Variants in PNO1 observed in about 807,000 individuals in gnomAD.
PNO1 encodes partner of NOB1 homolog.
Under a neutral mutation model 28.4 loss-of-function variants are expected in PNO1, and 16 were observed. The observed-to-expected ratio is 0.56, with a 90% CI of 0.38 to 0.85. PNO1 has a LOEUF of 0.85. PNO1 is among the 40% of genes least tolerant of loss of function. The probability of loss-of-function intolerance (pLI) is 0.00; values close to 1 mark genes in which losing one functional copy is unlikely to be tolerated. For synonymous variants in PNO1, 115 were observed against 110.8 expected, an observed-to-expected ratio of 1.04 and a Z score of -0.24; for missense variants, 304 against 312.2, an observed-to-expected ratio of 0.97 and a Z score of 0.20.
intron 5 of PNO1, among the ~76,000 whole-genome samples, chr2:68,167,052 C>T (rs6756198): frequency 0.75 from 113,517 of 152,206 alleles, 43,391 homozygotes; most frequent in African/African-American, 0.93. Flanking sequence ...GAATTTATAG[C>T]TGCAGGCATG....
At chr2:68,163,832 G>T (rs1195538396) in intron 5 of PNO1, among the ~76,000 whole-genome samples, 1 of 152,158 alleles carries the variant, frequency 6.6e-6, no homozygotes, top group Non-Finnish European at 1.5e-5. Context: ...CCTGTCTGAG[G>T]TTGAAGCTGC....
At chr2:68,170,548 C>T (rs1308648627) in intron 5 of PNO1, among the ~76,000 whole-genome samples, 14 of 152,026 alleles carry the variant, frequency 9.2e-5, no homozygotes, top group Admixed American at 9.2e-4. Context: ...GAGATCGAGA[C>T]CATCCTGGCT....
intron 5 of PNO1, among the ~76,000 whole-genome samples, chr2:68,169,044 T>C (rs1333255269): frequency 6.8e-6 from 1 of 146,678 alleles, no homozygotes; most frequent in Non-Finnish European, 1.5e-5. Flanking sequence ...TTCTCCTGCC[T>C]CAGCCTCCTG....
chr2:68,159,002 T>A (rs1468558410), intron 2 of PNO1, among the ~76,000 whole-genome samples: 2 of 152,162 alleles, frequency 1.3e-5, no homozygotes, highest in African/African-American at 2.4e-5. Context: ...GTTTATATAT[T>A]TTTTTCATAT....
At chr2:68,170,340 G>C (rs1674094418) in intron 5 of PNO1, among the ~76,000 whole-genome samples, 1 of 152,046 alleles carries the variant, frequency 6.6e-6, no homozygotes, top group African/African-American at 2.4e-5. Context: ...CCATTACTTT[G>C]GTTCTTTGTG....
intron 5 of PNO1, among the ~76,000 whole-genome samples, chr2:68,170,513 C>G (rs879930767): frequency 2.6e-5 from 4 of 152,018 alleles, no homozygotes; most frequent in Admixed American, 2.6e-4. Flanking sequence ...TTTGGGAGGC[C>G]GAGGCGGGCG....
chr2:68,160,616 A>C (rs1200407177), intron 2 of PNO1, among the ~76,000 whole-genome samples: 2 of 152,236 alleles, frequency 1.3e-5, no homozygotes, highest in African/African-American at 4.8e-5. Flanking sequence ...GTATTACACC[A>C]TGCTCTACAT....
intron 6 of PNO1, 60 bp from the exon 7 acceptor site, chr2:68,174,675 A>G: frequency 5.3e-6 from 6 of 1,139,678 alleles, no homozygotes; most frequent in South Asian, 5.2e-5. Context: ...ACTGAGGGAC[A>G]ACTGTAGGCG....
chr2:68,173,170 T>A, intron 5 of PNO1, 177 bp from the exon 6 acceptor site: 3 of 355,642 alleles, frequency 8.4e-6, no homozygotes, highest in African/African-American at 2.3e-5. Context: ...CACGTGCTAC[T>A]ACACCCAGCT....
intron 6 of PNO1, 105 bp downstream of exon 6, chr2:68,173,522 C>A (rs776201343): frequency 3.0e-6 from 2 of 677,564 alleles, no homozygotes; most frequent in Non-Finnish European, 5.3e-6. Flanking sequence ...TATTAAAGAT[C>A]GCAAGTAGAA....
At chr2:68,171,753 C>G in intron 5 of PNO1, among the ~76,000 whole-genome samples, 1 of 152,032 alleles carries the variant, frequency 6.6e-6, no homozygotes, top group Admixed American at 6.5e-5. Flanking sequence ...TAGGGCCTCA[C>G]TGAGGTCATC....
chr2:68,158,058 G>T lies in PNO1; in HGVS notation c.124G>T (p.Gly42Trp). 2 of 1,613,902 alleles carry T rather than the reference G, an allele frequency of 1.2e-6. No individual in the cohort carries two copies. Among genetic ancestry groups the T allele is most frequent in the Non-Finnish European group, 1.7e-6 (2 of 1,179,982 alleles). The change falls in exon 1 of 7, where the codon GGG (glycine) becomes TGG (tryptophan). Residue 42 changes from glycine to tryptophan, a missense_variant. Physicochemically the swap from Gly to Trp is radical, Grantham distance 184. Coordinates refer to ENST00000263657, the MANE Select transcript of PNO1 (RefSeq NM_020143.4). ...AEQLSAAGEG[G>W]DAGRMDTEEA... is the part of the protein sequence containing the mutation. Reference sequence around the variant, plus strand: ...ACAGCTGTCCGCAGCAGGAGAGGGCGGGGATGCGGGCCGCATGGACACAGA... The same window carrying T: ...ACAGCTGTCCGCAGCAGGAGAGGGCTGGGATGCGGGCCGCATGGACACAGA...
In PNO1 at chr2:68,175,207, A is replaced by ATC. The variant is rs1372412729; in HGVS notation, c.*408_*409dup. 3.9e-5 allele frequency: 6 copies of ATC among 153,532 alleles called. No homozygotes were observed. The highest frequency in any genetic ancestry group is 1.4e-4 in the African/African-American group (6 of 41,586). 9.5% of individuals were successfully genotyped at this position (153,532 alleles called of 1,614,324 possible). A position where few individuals can be genotyped will look rare whatever the true frequency, so the allele number is the denominator to read the frequency against. ...TTTATAAATTGTAATTTAATAGATT[A>ATC]TCTCAGAAAAACCTCTCTGAATGAT... On this transcript the variant is annotated 3_prime_UTR_variant, in exon 7 of 7. Transcript: ENST00000263657.
At chr2:68,173,441 T>C (rs771096318) in intron 6 of PNO1, 24 bp downstream of exon 6, 1 of 1,419,658 alleles carries the variant, frequency 7.0e-7, no homozygotes, top group Admixed American at 1.7e-5. Flanking sequence ...CTTTCTTTGG[T>C]GTTTTCTCTG....
chr2:68,164,778 C>T (rs909117184), intron 5 of PNO1, among the ~76,000 whole-genome samples: 4 of 152,158 alleles, frequency 2.6e-5, no homozygotes, highest in African/African-American at 9.7e-5. Context: ...GCCTGGGTGA[C>T]AGAGTGAAAC....
At chr2:68,163,256 G>A (rs1673883636) in intron 5 of PNO1, among the ~76,000 whole-genome samples, 1 of 152,214 alleles carries the variant, frequency 6.6e-6, no homozygotes, top group Non-Finnish European at 1.5e-5. Context: ...CTCGGGTTGG[G>A]CACAGTGGCT....
intron 5 of PNO1, 29 bp downstream of exon 5, chr2:68,162,692 G>C (rs376898171): frequency 1.6e-6 from 2 of 1,263,248 alleles, no homozygotes; most frequent in African/African-American, 1.5e-5. Flanking sequence ...GAAAATTATT[G>C]TCATAATTTA....
Position 68,174,853 on chromosome 2 carries a change from T to G in PNO1, c.*51T>G. ...GCCTTTGGACTCTGGTGAAAAATACTTTACAGTGGTCGGTCACAAGAAACC... is the reference window on the plus strand; with the variant it reads ...GCCTTTGGACTCTGGTGAAAAATACGTTACAGTGGTCGGTCACAAGAAACC... On this transcript the variant is annotated 3_prime_UTR_variant, in exon 7 of 7. Transcript: ENST00000263657. 8.7e-7 allele frequency: 1 copy of G among 1,155,736 alleles called. No individual in the cohort carries two copies. The highest frequency in any genetic ancestry group is 1.3e-6 in the Non-Finnish European group (1 of 775,166). The allele number at this position is 1,155,736 out of a possible 1,614,324, so 71.6% of individuals were successfully genotyped here. A position where few individuals can be genotyped will look rare whatever the true frequency, so the allele number is the denominator to read the frequency against.
At chr2:68,163,302 C>A (rs1022489327) in intron 5 of PNO1, among the ~76,000 whole-genome samples, 2 of 152,050 alleles carry the variant, frequency 1.3e-5, no homozygotes, top group African/African-American at 4.8e-5. Flanking sequence ...GAGGCTGAGG[C>A]GGGCGGATCA....
Sources: gnomAD v4.1 joint callset for allele counts (sites outside exome capture counted in the v4.1 genomes callset) on GRCh38, gnomAD v4.1.1 for gene constraint, MANE v1.5 for transcripts, NCBI Gene and HGNC (gene_info 2026-07-23, HGNC 2026-07-21) for gene names.